The following SH3GL2 variants were observed in gnomAD, a reference collection of about 807,000 sequenced individuals.
SH3GL2 encodes endophilin-A1.
In SH3GL2, 24 loss-of-function variants were observed where a neutral mutation model predicts 46.0. That is an observed-to-expected ratio of 0.52 (90% CI 0.38 to 0.73). The LOEUF (loss-of-function observed/expected upper bound fraction) is 0.73, where lower values mean the gene tolerates loss of function less well. Among genes scored for constraint, SH3GL2 ranks in the 30% least tolerant of loss-of-function variants. The probability of loss-of-function intolerance (pLI) is 0.00; values close to 1 mark genes in which losing one functional copy is unlikely to be tolerated. For missense variants in SH3GL2, 413 were observed against 424.2 expected (o/e 0.97, Z 0.23); for synonymous variants, 196 against 147.1 (o/e 1.33, Z -2.40).
intron 1 of SH3GL2, among the ~76,000 whole-genome samples, chr9:17,626,225 C>A (rs1473195360): frequency 6.6e-6 from 1 of 152,170 alleles, no homozygotes; most frequent in Non-Finnish European, 1.5e-5. Context: ...TCTTTTATTG[C>A]CTCCATATGT....
chr9:17,740,737 C>G (rs1260041697), intron 1 of SH3GL2, among the ~76,000 whole-genome samples: 1 of 151,966 alleles, frequency 6.6e-6, no homozygotes, highest in Non-Finnish European at 1.5e-5. Context: ...GTTTAAAATT[C>G]CATCTTTCAT....
chr9:17,609,251 A>G (rs528970647), intron 1 of SH3GL2, among the ~76,000 whole-genome samples: 2 of 152,290 alleles, frequency 1.3e-5, no homozygotes, highest in African/African-American at 4.8e-5. Flanking sequence ...AAGAGGTATA[A>G]TTAGAGTTTG....
chr9:17,710,144 A>G (rs1270866444), intron 1 of SH3GL2, among the ~76,000 whole-genome samples: 2 of 151,880 alleles, frequency 1.3e-5, no homozygotes, highest in South Asian at 2.1e-4. Context: ...AATTGTAGTT[A>G]CCATTCAATT....
chr9:17,606,621 A>G lies in SH3GL2; in HGVS notation c.45+27334A>G, dbSNP rs1388163577. Among the ~76,000 whole-genome samples the G allele has an allele frequency of 2.6e-5, 4 of 152,310 alleles. No homozygotes were observed. In the East Asian group the frequency reaches 5.8e-4, roughly 22 times the overall value. ...GATATAGGAAACAAGGCTAAAATCAATTTTAAAAGTTTCTACAGATTTACT... is the reference window on the plus strand; with the variant it reads ...GATATAGGAAACAAGGCTAAAATCAGTTTTAAAAGTTTCTACAGATTTACT... On this transcript the variant is annotated intron_variant, in intron 1 of 8. Coordinates refer to ENST00000380607, the MANE Select transcript of SH3GL2 (RefSeq NM_003026.5).
intron 1 of SH3GL2, among the ~76,000 whole-genome samples, chr9:17,702,865 G>A (rs1434271435): frequency 2.0e-5 from 3 of 152,016 alleles, no homozygotes; most frequent in African/African-American, 7.2e-5. Context: ...ATTTAGACAT[G>A]CTTCCCCCTT....
chr9:17,773,103 T>G (rs1423962974), intron 3 of SH3GL2, among the ~76,000 whole-genome samples: 1 of 152,198 alleles, frequency 6.6e-6, no homozygotes, highest in Non-Finnish European at 1.5e-5. Context: ...AACCACCTTT[T>G]TATGTGCTTT....
Position 17,709,741 on chromosome 9 carries a change from T to C in SH3GL2, c.46-37325T>C, listed in dbSNP as rs148046686. ...TTTAACCTGTATTCTGTCTCCCCTG[T>C]TACTTTGCTTATTTTAGAATATGGC... On this transcript the variant is annotated intron_variant, in intron 1 of 8. Coordinates refer to ENST00000380607, the MANE Select transcript of SH3GL2 (RefSeq NM_003026.5). 1.8e-3 allele frequency among the ~76,000 whole-genome samples: 273 copies of C among 151,726 alleles called. 3 individuals are homozygous for C. In the South Asian group the frequency reaches 0.022, roughly 12 times the overall value.
At position 17,603,303 on chromosome 9, in the gene SH3GL2, A is replaced by T. The variant is rs77533839; in HGVS notation, c.45+24016A>T. ...AGTGTCTGTGGAGAGATAAATAGATAAACAAAATATGGTAGATCCTGCCAC... is the reference window on the plus strand; with the variant it reads ...AGTGTCTGTGGAGAGATAAATAGATTAACAAAATATGGTAGATCCTGCCAC... On this transcript the variant is annotated intron_variant, in intron 1 of 8. Coordinates refer to ENST00000380607, the MANE Select transcript of SH3GL2 (RefSeq NM_003026.5). Among the ~76,000 whole-genome samples the T allele has an allele frequency of 4.5e-3, 691 of 152,326 alleles. 8 individuals are homozygous for T. Among genetic ancestry groups the T allele is most frequent in the African/African-American group, 0.016 (661 of 41,578 alleles).
At chr9:17,744,889 G>A (rs965805476) in intron 1 of SH3GL2, among the ~76,000 whole-genome samples, 2 of 152,176 alleles carry the variant, frequency 1.3e-5, no homozygotes, top group Non-Finnish European at 2.9e-5. Flanking sequence ...CAAGTTAAGT[G>A]AGAGGGCTGA....
At chr9:17,606,337 C>G (rs190659352) in intron 1 of SH3GL2, among the ~76,000 whole-genome samples, 1 of 152,098 alleles carries the variant, frequency 6.6e-6, no homozygotes, top group Non-Finnish European at 1.5e-5. Context: ...ATGATCCGCC[C>G]GCCTTGGCCT....
At position 17,743,600 on chromosome 9, in the gene SH3GL2, A is replaced by ACACACACACACACACC. The variant is rs1554645782; in HGVS notation, c.46-3465_46-3464insACACACACACACACCC. On this transcript the variant is annotated intron_variant, in intron 1 of 8. Transcript: ENST00000380607. ...CACACACACACACACACACACACAC[A>ACACACACACACACACC]CCCCAAATAGTTAAAGCCAATGGAT... Among the ~76,000 whole-genome samples the ACACACACACACACACC allele has an allele frequency of 1.4e-3, 203 of 146,262 alleles. 1 individual carries two copies. Among genetic ancestry groups the ACACACACACACACACC allele is most frequent in the African/African-American group, 2.1e-3 (82 of 39,960 alleles).
At chr9:17,715,347 A>G (rs933689802) in intron 1 of SH3GL2, among the ~76,000 whole-genome samples, 11 of 151,598 alleles carry the variant, frequency 7.3e-5, no homozygotes, top group African/African-American at 2.7e-4. Context: ...TGGATTCATC[A>G]GTTTGTTGTT....
chr9:17,684,646 A>G (rs1444903901), intron 1 of SH3GL2, among the ~76,000 whole-genome samples: 1 of 151,856 alleles, frequency 6.6e-6, no homozygotes, highest in Non-Finnish European at 1.5e-5. Context: ...ATACCCTGCA[A>G]CACACATACA....
intron 1 of SH3GL2, among the ~76,000 whole-genome samples, chr9:17,714,148 G>A (rs1821693722): frequency 6.6e-6 from 1 of 151,650 alleles, no homozygotes; most frequent in Non-Finnish European, 1.5e-5. Flanking sequence ...CCTAGAAATA[G>A]TCCTTACTAT....
chr9:17,711,968 A>G (rs1307029108), intron 1 of SH3GL2, among the ~76,000 whole-genome samples: 2 of 151,840 alleles, frequency 1.3e-5, no homozygotes, highest in Non-Finnish European at 2.9e-5. Context: ...CACCCTCACT[A>G]ATACTTGGCA....
intron 1 of SH3GL2, among the ~76,000 whole-genome samples, chr9:17,720,740 C>G (rs1330093148): frequency 6.6e-6 from 1 of 152,076 alleles, no homozygotes; most frequent in South Asian, 2.1e-4. Context: ...AAGGACTTAC[C>G]ACTCAGTTTT....
intron 1 of SH3GL2, among the ~76,000 whole-genome samples, chr9:17,660,605 T>G (rs1266234700): frequency 6.6e-6 from 1 of 152,176 alleles, no homozygotes; most frequent in East Asian, 1.9e-4. Flanking sequence ...ATTTCAGCCC[T>G]GAACTAGAAA....
At chr9:17,698,891 T>C (rs1821274458) in intron 1 of SH3GL2, among the ~76,000 whole-genome samples, 2 of 152,142 alleles carry the variant, frequency 1.3e-5, no homozygotes, top group Non-Finnish European at 1.5e-5. Flanking sequence ...GCGCGATGGC[T>C]CATGCCTGTA....
intron 1 of SH3GL2, among the ~76,000 whole-genome samples, chr9:17,724,480 T>C (rs1821974030): frequency 6.6e-6 from 1 of 152,112 alleles, no homozygotes; most frequent in South Asian, 2.1e-4. Context: ...TTCCAACATC[T>C]GGGCCCTGAA....
Sources: allele counts gnomAD v4.1 joint callset (sites outside exome capture counted in the v4.1 genomes callset), GRCh38; gene constraint gnomAD v4.1.1; transcripts MANE v1.5; gene names NCBI Gene and HGNC (gene_info 2026-07-23, HGNC 2026-07-21).